BTBD9: variants seen among roughly 807,000 people sequenced by gnomAD.
The protein encoded by BTBD9 is BTB domain containing 9.
BTBD9 carries 49 observed loss-of-function variants against 64.3 expected under a neutral mutation model. That is an observed-to-expected ratio of 0.76 (90% confidence interval 0.61 to 0.97). The LOEUF is 0.97. Among genes scored for constraint, BTBD9 ranks in the 50% least tolerant of loss-of-function variants. The probability of loss-of-function intolerance (pLI) is 0.00; values close to 1 mark genes in which losing one functional copy is unlikely to be tolerated. For missense variants in BTBD9, 598 were observed against 762.1 expected, an observed-to-expected ratio of 0.78 and a Z score of 2.53; for synonymous variants, 260 against 274.7, an observed-to-expected ratio of 0.95 and a Z score of 0.53.
intron 7 of BTBD9, among the ~76,000 whole-genome samples, chr6:38,299,127 A>G (rs1405595880): frequency 2.0e-5 from 3 of 151,920 alleles, no homozygotes; most frequent in Admixed American, 2.0e-4. Flanking sequence ...TGTCCTTGCG[A>G]TAGTTTGCTG....
intron 6 of BTBD9, among the ~76,000 whole-genome samples, chr6:38,422,573 C>G (rs542802333): frequency 6.6e-6 from 1 of 151,892 alleles, no homozygotes; most frequent in Admixed American, 6.6e-5. Flanking sequence ...GGATAAGAAC[C>G]AATGTTCTAA....
intron 1 of BTBD9, among the ~76,000 whole-genome samples, chr6:38,633,730 C>T (rs973810754): frequency 2.0e-5 from 3 of 152,102 alleles, no homozygotes; most frequent in South Asian, 2.1e-4. Flanking sequence ...CAGTACTTAT[C>T]GTATTCTTTT....
chr6:38,263,501 C>G (rs1465403975), intron 8 of BTBD9, among the ~76,000 whole-genome samples: 1 of 152,128 alleles, frequency 6.6e-6, no homozygotes, highest in African/African-American at 2.4e-5. Flanking sequence ...TGGAAGCTGC[C>G]CAATCCATGC....
At chr6:38,435,534 CA>C (rs1768674864) in intron 6 of BTBD9, among the ~76,000 whole-genome samples, 1 of 151,274 alleles carries the variant, frequency 6.6e-6, no homozygotes, top group Non-Finnish European at 1.5e-5. Context: ...ACTTTTGCAC[CA>C]AAAAAACTCA....
intron 7 of BTBD9, among the ~76,000 whole-genome samples, chr6:38,300,165 T>G (rs1406771764): frequency 6.6e-6 from 1 of 152,184 alleles, no homozygotes; most frequent in Non-Finnish European, 1.5e-5. Context: ...ATCAGATAGT[T>G]GTAGATATGC....
intron 6 of BTBD9, among the ~76,000 whole-genome samples, chr6:38,369,049 A>C (rs1011743757): frequency 2.0e-5 from 3 of 152,036 alleles, no homozygotes; most frequent in Admixed American, 1.3e-4. Context: ...TCTCAGGGAG[A>C]ATTCTGAGTT....
chr6:38,318,661 G>C (rs1562017599), intron 7 of BTBD9, among the ~76,000 whole-genome samples: 1 of 152,228 alleles, frequency 6.6e-6, no homozygotes, highest in Admixed American at 6.5e-5. Context: ...GCTGGGGGAA[G>C]AGTGACACAA....
At chr6:38,409,550 C>A (rs754706553) in intron 6 of BTBD9, among the ~76,000 whole-genome samples, 1 of 152,110 alleles carries the variant, frequency 6.6e-6, no homozygotes, top group Non-Finnish European at 1.5e-5. Context: ...TCTGGCTGAG[C>A]ATGGTGGCTC....
At chr6:38,419,003 C>T (rs143370565) in intron 6 of BTBD9, among the ~76,000 whole-genome samples, 1,646 of 152,286 alleles carry the variant, frequency 0.011, 22 homozygotes, top group Middle Eastern at 0.027. Flanking sequence ...ATGATAACCA[C>T]TGTTGTGAAG....
At chr6:38,220,921 A>G (rs1022531380) in intron 9 of BTBD9, among the ~76,000 whole-genome samples, 1 of 152,252 alleles carries the variant, frequency 6.6e-6, no homozygotes, top group Non-Finnish European at 1.5e-5. Flanking sequence ...GAGGGTAGAG[A>G]AAGGCTCTCC....
At chr6:38,562,851 TG>T (rs1562343437) in intron 6 of BTBD9, among the ~76,000 whole-genome samples, 1 of 152,216 alleles carries the variant, frequency 6.6e-6, no homozygotes, top group Non-Finnish European at 1.5e-5. Context: ...GCTGGCTCAA[TG>T]GGTGTATGCA....
chr6:38,612,987 T>G (rs1385331652), intron 1 of BTBD9: 1 of 152,220 alleles, frequency 6.6e-6, no homozygotes, highest in Non-Finnish European at 1.5e-5. Flanking sequence ...ACTTGCCACA[T>G]GTGGCTACCG....
chr6:38,469,478 C>T (rs956047383), intron 6 of BTBD9, among the ~76,000 whole-genome samples: 5 of 152,076 alleles, frequency 3.3e-5, no homozygotes, highest in African/African-American at 1.2e-4. Flanking sequence ...TGCCACCACG[C>T]CTGGCTAATT....
Position 38,288,288 on chromosome 6 carries a change from T to C in BTBD9, c.1438A>G (p.Met480Val), listed in dbSNP as rs1761823480. The change falls in exon 8 of 11, where the codon ATG becomes GTG. Residue 480 changes from methionine to valine, a missense_variant. Coordinates refer to ENST00000481247, the MANE Select transcript of BTBD9 (RefSeq NM_001099272.2). ...AIVVQLAQPY[M>V]IGSIRLLLWD... ...TCTTCTTACCGTATTGACCCAATCA[T>C]GTACGGTTGTGCCAACTGAACCACA... 6.2e-7 allele frequency: 1 copy of C among 1,614,116 alleles called. No homozygotes were observed. Among genetic ancestry groups the C allele is most frequent in the Non-Finnish European group, 8.5e-7 (1 of 1,179,952 alleles).
intron 7 of BTBD9, among the ~76,000 whole-genome samples, chr6:38,309,383 A>G (rs966612859): frequency 6.6e-6 from 1 of 151,886 alleles, no homozygotes; most frequent in Admixed American, 6.6e-5. Flanking sequence ...ATAAACAAAC[A>G]AACAAACAAA....
intron 6 of BTBD9, among the ~76,000 whole-genome samples, chr6:38,404,714 G>A (rs1404402068): frequency 6.6e-6 from 1 of 152,176 alleles, no homozygotes; most frequent in Non-Finnish European, 1.5e-5. Context: ...CTGCAGATAA[G>A]GGATAAACTG....
chr6:38,177,963 A>G (rs1199819773), intron 10 of BTBD9, among the ~76,000 whole-genome samples: 1 of 152,194 alleles, frequency 6.6e-6, no homozygotes, highest in Non-Finnish European at 1.5e-5. Context: ...CCCTGCCATC[A>G]AGTTAGGGGA....
At chr6:38,289,313 G>T (rs1306929153) in intron 7 of BTBD9, among the ~76,000 whole-genome samples, 2 of 152,144 alleles carry the variant, frequency 1.3e-5, no homozygotes, top group Non-Finnish European at 1.5e-5. Flanking sequence ...AGCAATGGTT[G>T]CAGTGAGCCG....
intron 8 of BTBD9, among the ~76,000 whole-genome samples, chr6:38,287,107 T>TAA (rs1468141515): frequency 1.7e-5 from 1 of 57,548 alleles, no homozygotes; most frequent in Admixed American, 2.1e-4. Context: ...AAAAAAAAAA[T>TAA]ATACACACAC....
Sources: gnomAD v4.1 joint callset for allele counts (sites outside exome capture counted in the v4.1 genomes callset) on GRCh38, gnomAD v4.1.1 for gene constraint, MANE v1.5 for transcripts, NCBI Gene and HGNC (gene_info 2026-07-23, HGNC 2026-07-21) for gene names.